TMEM18: variants seen among roughly 807,000 people sequenced by gnomAD.
TMEM18 encodes transmembrane protein 18.
A neutral mutation model predicts 17.4 loss-of-function variants in TMEM18; 14 were observed. That is an observed-to-expected ratio of 0.80 (90% CI 0.53 to 1.25). TMEM18 has a LOEUF of 1.25. Among genes scored for constraint, TMEM18 ranks in the 50% most tolerant of loss-of-function variants. The probability of loss-of-function intolerance (pLI) is 0.00; values close to 1 mark genes in which losing one functional copy is unlikely to be tolerated. For missense variants in TMEM18, 187 were observed against 172.1 expected, an observed-to-expected ratio of 1.09 and a Z score of -0.48; for synonymous variants, 86 against 66.1, an observed-to-expected ratio of 1.30 and a Z score of -1.46.
chr2:677,220 C>T lies in TMEM18; in HGVS notation c.57+69G>A, dbSNP rs933044026. 22 of 1,552,068 alleles carry T rather than the reference C, an allele frequency of 1.4e-5. No homozygotes were observed. The African/African-American group carries it at 1.9e-4, about 13-fold the overall frequency. ...CCTTCTTGGCCACAGGCCGGGTGCT[C>T]TGTGGGGCCTACCCTACGCCTCTCC... On this transcript the variant is annotated intron_variant, in intron 1 of 4. Coordinates refer to ENST00000281017, the MANE Select transcript of TMEM18 (RefSeq NM_152834.4).
rs1678661528 is a variant in TMEM18, at chr2:665,499, T to C, written c.*4081A>G. Among the ~76,000 whole-genome samples the C allele has an allele frequency of 1.4e-5, 2 of 146,886 alleles. No individual in the cohort carries two copies. ...CTCCACATACAACAGGACCCAGAGA[T>C]GCAAACACCCCACTCACTCAGACAG... is the stretch of plus-strand genomic sequence containing the variant. On this transcript the variant is annotated 3_prime_UTR_variant, in exon 5 of 5. Coordinates refer to ENST00000281017, the MANE Select transcript of TMEM18 (RefSeq NM_152834.4).
At position 665,741 on chromosome 2, in the gene TMEM18, T is replaced by G. The variant is rs1054404233; in HGVS notation, c.*3839A>C. On this transcript the variant is annotated 3_prime_UTR_variant, in exon 5 of 5. Transcript: ENST00000281017. ...GGACCCAGAGATGCAGATGCCCCACTCACTCAGATGGAGCATCAACCCCAC... is the reference window on the plus strand; with the variant it reads ...GGACCCAGAGATGCAGATGCCCCACGCACTCAGATGGAGCATCAACCCCAC... Among the ~76,000 whole-genome samples, 45 of 149,866 alleles carry G rather than the reference T, an allele frequency of 3.0e-4. No homozygotes were observed. Among genetic ancestry groups the G allele is most frequent in the African/African-American group, 1.1e-3 (45 of 40,258 alleles).
chr2:670,498 G>A (rs1296152187), intron 3 of TMEM18: 1 of 153,040 alleles, frequency 6.5e-6, no homozygotes, highest in Non-Finnish European at 1.5e-5. Context: ...AACAAAGCTA[G>A]TAATGGTGGG....
rs1466941700 is a variant in TMEM18, at chr2:667,021, T to C, written c.*2559A>G. Among the ~76,000 whole-genome samples the C allele has an allele frequency of 6.6e-6, 1 of 151,618 alleles. No homozygotes were observed. Among genetic ancestry groups the C allele is most frequent in the Non-Finnish European group, 1.5e-5 (1 of 67,938 alleles). On this transcript the variant is annotated 3_prime_UTR_variant, in exon 5 of 5. Coordinates refer to ENST00000281017, the MANE Select transcript of TMEM18 (RefSeq NM_152834.4). ...TGAATTCCACCCCCAGCCCTTTTTT[T>C]TTTTTTTTAACATTTATTATTTTGT...
rs773414515 is a variant in TMEM18 at position 677,311 on chromosome 2, A to G, written c.35T>C (p.Val12Ala). 8 of 1,612,294 alleles carry G rather than the reference A, an allele frequency of 5.0e-6. No homozygotes were observed. The highest frequency in any genetic ancestry group is 6.8e-6 in the Non-Finnish European group (8 of 1,179,814). ...TACCGTGAGCACGGCTGGGATGCTG[A>G]CGGGGAAAGAGCTGACAGAGAAGGC... is the stretch of plus-strand genomic sequence containing the variant. ...PSAFSVSSFP[V>A]SIPAVLTQTD... Residue 12 changes from valine (V) to alanine (A), a missense_variant, in exon 1 of 5, where the codon GTC becomes GCC. Coordinates refer to ENST00000281017, the MANE Select transcript of TMEM18 (RefSeq NM_152834.4).
At chr2:676,573 C>T (rs1371749169) in intron 1 of TMEM18, 2 of 1,550,356 alleles carry the variant, frequency 1.3e-6, no homozygotes, top group African/African-American at 2.7e-5. Flanking sequence ...AATGCACCCA[C>T]CAGAAGACCA....
At position 668,937 on chromosome 2, in the gene TMEM18, G is replaced by C. The variant is rs925259120; in HGVS notation, c.*643C>G. On this transcript the variant is annotated 3_prime_UTR_variant, in exon 5 of 5. Transcript: ENST00000281017. ...TTGGTTCATCAAACTGAGATACAAC[G>C]TATTTTCCAAGAGCTTCCTTCCAAG... is the stretch of plus-strand genomic sequence containing the variant. 1 of 152,298 alleles carries C rather than the reference G, an allele frequency of 6.6e-6. No individual in the cohort carries two copies. Among genetic ancestry groups the C allele is most frequent in the Non-Finnish European group, 1.5e-5 (1 of 68,096 alleles). 9.4% of individuals were successfully genotyped at this position (152,298 alleles called of 1,614,324 possible).
chr2:676,431 C>T, intron 1 of TMEM18: 2 of 1,329,218 alleles, frequency 1.5e-6, no homozygotes, highest in Non-Finnish European at 2.0e-6. Context: ...AGCTGCAGCC[C>T]CGCCCTGCCC....
chr2:673,918 G>A (rs1412547739), intron 2 of TMEM18, among the ~76,000 whole-genome samples: 3 of 151,190 alleles, frequency 2.0e-5, no homozygotes, highest in African/African-American at 7.3e-5. Flanking sequence ...GGGGAGGGTG[G>A]TAGGCACGGG....
rs538327114 is a variant in TMEM18 at position 667,967 on chromosome 2, C to T, written c.*1613G>A. On this transcript the variant is annotated 3_prime_UTR_variant, in exon 5 of 5. Coordinates refer to ENST00000281017, the MANE Select transcript of TMEM18 (RefSeq NM_152834.4). ...ACTGCTATAAAGATACTACCTGAGA[C>T]CTGGATTACTTTATAAACAAGAAGT... 5.9e-5 allele frequency: 9 copies of T among 152,176 alleles called. No individual in the cohort carries two copies. Among genetic ancestry groups the T allele is most frequent in the Non-Finnish European group, 1.2e-4 (8 of 68,038 alleles). The allele number at this position is 152,176 out of a possible 1,614,324, so 9.4% of individuals were successfully genotyped here.
chr2:676,253 T>C (rs944537485), intron 1 of TMEM18: 10 of 1,430,902 alleles, frequency 7.0e-6, no homozygotes, highest in Non-Finnish European at 8.4e-6. Flanking sequence ...GGACAGTGTC[T>C]GGCTCAGGGA....
chr2:669,902 C>A, intron 3 of TMEM18, 52 bp from the exon 4 acceptor site: 1 of 1,376,486 alleles, frequency 7.3e-7, no homozygotes, highest in Non-Finnish European at 1.0e-6. Flanking sequence ...CCAAAAAGTT[C>A]TAGTGACACC....
intron 1 of TMEM18, 83 bp downstream of exon 1, chr2:677,206 A>G: frequency 6.6e-7 from 1 of 1,522,864 alleles, no homozygotes; most frequent in East Asian, 2.4e-5. Flanking sequence ...CTTCTTGGCC[A>G]CAGGCCGGGT....
At chr2:673,609 A>G (rs1211326171) in intron 2 of TMEM18, among the ~76,000 whole-genome samples, 1 of 152,222 alleles carries the variant, frequency 6.6e-6, no homozygotes, top group Non-Finnish European at 1.5e-5. Flanking sequence ...TCTTCTTGAT[A>G]CACATCAGAA....
At chr2:676,682 T>A in intron 1 of TMEM18, 1 of 1,535,000 alleles carries the variant, frequency 6.5e-7, no homozygotes, top group South Asian at 1.2e-5. Flanking sequence ...TCCCCTGGGA[T>A]CTGTCAGACG....
chr2:672,985 G>GGTAAACATCCTAACATTGTCAAGTCGTA, intron 2 of TMEM18, 123 bp from the exon 3 acceptor site: 1 of 919,278 alleles, frequency 1.1e-6, no homozygotes, highest in Non-Finnish European at 1.6e-6. Context: ...CATAACATCA[G>GGTAAACATCCTAACATTGTCAAGTCGTA]GTAAACATCC....
chr2:670,193 G>A (rs1678805539), intron 3 of TMEM18: 2 of 241,102 alleles, frequency 8.3e-6, no homozygotes, highest in South Asian at 1.4e-4. Flanking sequence ...CTGATGACTT[G>A]AAATCCTTAA....
chr2:675,068 TC>T (rs1678960076), intron 2 of TMEM18, among the ~76,000 whole-genome samples: 1 of 152,258 alleles, frequency 6.6e-6, no homozygotes, highest in Admixed American at 6.5e-5. Flanking sequence ...CCTGTGCAAC[TC>T]CCTAACTTCT....
intron 2 of TMEM18, 71 bp downstream of exon 2, chr2:675,439 C>T (rs888183990): frequency 1.2e-6 from 2 of 1,602,570 alleles, no homozygotes; most frequent in East Asian, 2.2e-5. Context: ...ATTTCGAAGA[C>T]ACAGACAGAA....
Sources: allele counts gnomAD v4.1 joint callset (sites outside exome capture counted in the v4.1 genomes callset), GRCh38; gene constraint gnomAD v4.1.1; transcripts MANE v1.5; gene names NCBI Gene and HGNC (gene_info 2026-07-23, HGNC 2026-07-21).